TIAM1: variants seen among roughly 807,000 people sequenced by gnomAD.
The protein encoded by TIAM1 is rho guanine nucleotide exchange factor TIAM1.
A neutral mutation model predicts 163.5 loss-of-function variants in TIAM1; 65 were observed. The observed-to-expected ratio is 0.40, with a 90% CI of 0.33 to 0.49. The LOEUF is 0.49. Ranked by LOEUF, TIAM1 falls within the 20% of genes least tolerant of loss-of-function variation. The probability of loss-of-function intolerance (pLI) is 0.77; values close to 1 mark genes in which losing one functional copy is unlikely to be tolerated. For synonymous variants in TIAM1, 833 were observed against 810.1 expected, an observed-to-expected ratio of 1.03 and a Z score of -0.48; for missense variants, 1,789 against 2,044.7, an observed-to-expected ratio of 0.87 and a Z score of 2.41.
chr21:31,505,047 T>C (rs888400865), intron 1 of TIAM1, among the ~76,000 whole-genome samples: 1 of 152,122 alleles, frequency 6.6e-6, no homozygotes, highest in Admixed American at 6.6e-5. Flanking sequence ...ACAATCCCTG[T>C]CATAAAGGGA....
At chr21:31,155,728 T>C (rs1285212281) in intron 16 of TIAM1, among the ~76,000 whole-genome samples, 1 of 152,050 alleles carries the variant, frequency 6.6e-6, no homozygotes, top group Non-Finnish European at 1.5e-5. Context: ...ATGGTCTCAA[T>C]CTGACCTTGT....
chr21:31,173,550 GAGAAA>G (rs896320519), intron 15 of TIAM1, among the ~76,000 whole-genome samples: 2 of 151,752 alleles, frequency 1.3e-5, no homozygotes, highest in African/African-American at 2.4e-5. Context: ...GAGAGAGAGA[GAGAAA>G]AGAAAAGAAA....
At chr21:31,255,953 C>A (rs921989265) in intron 4 of TIAM1, among the ~76,000 whole-genome samples, 1 of 152,194 alleles carries the variant, frequency 6.6e-6, no homozygotes, top group African/African-American at 2.4e-5. Flanking sequence ...ATTCCACTGG[C>A]AGCTTCCCCA....
chr21:31,442,117 G>A (rs1369914955), intron 2 of TIAM1, among the ~76,000 whole-genome samples: 1 of 101,844 alleles, frequency 9.8e-6, no homozygotes, highest in Admixed American at 1.1e-4. Flanking sequence ...ACAGGGAAAA[G>A]AGATCAAGCT....
At chr21:31,132,149 C>T (rs1047023753) in intron 23 of TIAM1, among the ~76,000 whole-genome samples, 2 of 152,210 alleles carry the variant, frequency 1.3e-5, no homozygotes, top group Admixed American at 6.5e-5. Context: ...AGAGAATTCT[C>T]AGGGATGGGC....
chr21:31,293,039 G>T (rs1231915432), intron 2 of TIAM1, among the ~76,000 whole-genome samples: 1 of 152,156 alleles, frequency 6.6e-6, no homozygotes, highest in African/African-American at 2.4e-5. Context: ...GGCCAGGATG[G>T]TCTTGAGCTA....
intron 2 of TIAM1, among the ~76,000 whole-genome samples, chr21:31,350,030 A>G (rs1388043908): frequency 1.3e-5 from 2 of 152,244 alleles, no homozygotes; most frequent in Non-Finnish European, 2.9e-5. Flanking sequence ...AGCATTTATA[A>G]TGTTCTCAAT....
At chr21:31,490,971 A>G (rs568913737) in intron 1 of TIAM1, among the ~76,000 whole-genome samples, 1 of 152,312 alleles carries the variant, frequency 6.6e-6, no homozygotes, top group South Asian at 2.1e-4. Context: ...CTAAAAATAC[A>G]AAAATTAGCC....
chr21:31,161,482 G>A (rs962815398), intron 16 of TIAM1, among the ~76,000 whole-genome samples: 3 of 152,106 alleles, frequency 2.0e-5, no homozygotes, highest in Non-Finnish European at 4.4e-5. Context: ...TGACATTCCA[G>A]TACCACCACG....
chr21:31,319,315 C>T (rs963941147), intron 2 of TIAM1, among the ~76,000 whole-genome samples: 2 of 151,954 alleles, frequency 1.3e-5, no homozygotes, highest in South Asian at 2.1e-4. Flanking sequence ...TGGGCATATA[C>T]GTGGAAGTGG....
intron 1 of TIAM1, among the ~76,000 whole-genome samples, chr21:31,506,909 C>T (rs1288322211): frequency 6.6e-6 from 1 of 152,034 alleles, no homozygotes; most frequent in Non-Finnish European, 1.5e-5. Flanking sequence ...AGAGGGAGAC[C>T]CTGTCTCAAA....
At chr21:31,370,190 G>A (rs1569272587) in intron 2 of TIAM1, among the ~76,000 whole-genome samples, 2 of 152,130 alleles carry the variant, frequency 1.3e-5, no homozygotes, top group African/African-American at 2.4e-5. Context: ...CTTTGTTATA[G>A]GAGCCGAATG....
At chr21:31,403,442 C>A (rs566371628) in intron 2 of TIAM1, among the ~76,000 whole-genome samples, 2 of 152,134 alleles carry the variant, frequency 1.3e-5, no homozygotes, top group Non-Finnish European at 2.9e-5. Context: ...CCACTGCTCC[C>A]GGCCGATGAC....
At chr21:31,507,178 A>C (rs1602446417) in intron 1 of TIAM1, among the ~76,000 whole-genome samples, 1 of 65,756 alleles carries the variant, frequency 1.5e-5, no homozygotes, top group Non-Finnish European at 3.1e-5. Context: ...GCACCTTTTT[A>C]ATTTTTTTTT....
rs1255676113 is a variant in TIAM1, at chr21:31,225,953, G to A, written c.1585-3C>T. On this transcript the variant is annotated splice_polypyrimidine_tract_variant and splice_region_variant and intron_variant, in intron 6 of 27. Coordinates refer to ENST00000541036, the MANE Select transcript of TIAM1 (RefSeq NM_001353694.2). The stretch of plus-strand genomic sequence containing the variant: ...TCAAGCTCCGTCTGGCTAGTGGTCT[G>A]TACCAGGAAGAAGGGGCAGGAAGAA... 1 of 1,612,028 alleles carries A rather than the reference G, an allele frequency of 6.2e-7. No homozygotes were observed. Among genetic ancestry groups the A allele is most frequent in the Admixed American group, 1.7e-5 (1 of 59,894 alleles).
chr21:31,347,700 A>AATAACACACATC (rs2076170120), upstream of TIAM1, among the ~76,000 whole-genome samples: 2 of 152,198 alleles, frequency 1.3e-5, no homozygotes, highest in Admixed American at 6.5e-5. Context: ...ATGATACAAA[A>AATAACACACATC]ATAACACACA....
chr21:31,269,986 T>C (rs893469299), intron 3 of TIAM1, among the ~76,000 whole-genome samples: 2 of 152,202 alleles, frequency 1.3e-5, no homozygotes, highest in African/African-American at 4.8e-5. Context: ...ATTTTAAGTT[T>C]TACCCTTTCC....
intron 1 of TIAM1, among the ~76,000 whole-genome samples, chr21:31,535,005 A>G (rs1432810764): frequency 6.6e-6 from 1 of 151,588 alleles, no homozygotes; most frequent in African/African-American, 2.4e-5. Flanking sequence ...TGAGAGGATC[A>G]CCTGAACCCA....
intron 2 of TIAM1, among the ~76,000 whole-genome samples, chr21:31,402,998 G>A (rs187511662): frequency 6.6e-6 from 1 of 152,226 alleles, no homozygotes; most frequent in African/African-American, 2.4e-5. Flanking sequence ...ACGTCTCCAA[G>A]AAGACAGGGG....
Sources: allele counts gnomAD v4.1 joint callset (sites outside exome capture counted in the v4.1 genomes callset), GRCh38; gene constraint gnomAD v4.1.1; transcripts MANE v1.5; gene names NCBI Gene and HGNC (gene_info 2026-07-23, HGNC 2026-07-21).